The following PTPN3 variants were observed in gnomAD, a reference collection of about 807,000 sequenced individuals.
PTPN3 encodes the protein tyrosine-protein phosphatase non-receptor type 3.
PTPN3 carries 96 observed loss-of-function variants against 132.7 expected under a neutral mutation model. The ratio of observed to expected loss-of-function variants is 0.72; its 90% confidence interval spans 0.61 to 0.86. The LOEUF (loss-of-function observed/expected upper bound fraction) is 0.86, where lower values mean the gene tolerates loss of function less well. Ranked by LOEUF, PTPN3 falls within the 40% of genes least tolerant of loss-of-function variation. The pLI, the probability that PTPN3 is intolerant of heterozygous loss-of-function variation, is 0.00. For missense variants in PTPN3, 1,125 were observed against 1,159.6 expected (o/e 0.97, Z 0.43); for synonymous variants, 398 against 429.0 (o/e 0.93, Z 0.89).
chr9:109,464,041 T>TA, intron 1 of PTPN3, among the ~76,000 whole-genome samples: 1 of 152,300 alleles, frequency 6.6e-6, no homozygotes, highest in Admixed American at 6.5e-5. Flanking sequence ...TACTCAACCA[T>TA]ATTAGCTGTC....
chr9:109,469,226 T>C (rs987120026), intron 1 of PTPN3, among the ~76,000 whole-genome samples: 1 of 152,164 alleles, frequency 6.6e-6, no homozygotes, highest in Non-Finnish European at 1.5e-5. Flanking sequence ...TACATTCGGA[T>C]CTGGGAAACT....
the PTPN3 span, among the ~76,000 whole-genome samples, chr9:109,512,314 G>C: frequency 6.6e-6 from 1 of 152,286 alleles, no homozygotes; most frequent in South Asian, 2.1e-4. Flanking sequence ...GGGTGCAGCT[G>C]GTGCAGCTGG....
At chr9:109,461,534 T>A (rs1845843731) in intron 2 of PTPN3, among the ~76,000 whole-genome samples, 1 of 151,920 alleles carries the variant, frequency 6.6e-6, no homozygotes, top group South Asian at 2.1e-4. Context: ...AGTGGGAGGG[T>A]CGCCTGAGCT....
intron 1 of PTPN3, among the ~76,000 whole-genome samples, chr9:109,465,676 T>A (rs1351901831): frequency 2.9e-5 from 3 of 101,836 alleles, no homozygotes; most frequent in African/African-American, 1.2e-4. Context: ...GCCATTGCAC[T>A]CCCTGGGCAA....
chr9:109,423,431 C>T (rs2131852777), intron 12 of PTPN3, among the ~76,000 whole-genome samples: 1 of 152,314 alleles, frequency 6.6e-6, no homozygotes, highest in East Asian at 1.9e-4. Context: ...ATGGCAAAAC[C>T]CTACCTCTAC....
At position 109,454,486 on chromosome 9, in the gene PTPN3, A is replaced by T; in HGVS notation, c.368+10T>A. On this transcript the variant is annotated intron_variant, in intron 5 of 25. Transcript: ENST00000374541. Reference sequence around the variant, plus strand: ...ACACTAAACAGAAAACTTTAAAAAAATGTTGTTACCTGGTTTGTTCTTGCT... The same window carrying T: ...ACACTAAACAGAAAACTTTAAAAAATTGTTGTTACCTGGTTTGTTCTTGCT... 6.2e-7 allele frequency: 1 copy of T among 1,607,318 alleles called. No homozygotes were observed.
chr9:109,420,269 G>A (rs1202587922), intron 14 of PTPN3, among the ~76,000 whole-genome samples, 155 bp downstream of exon 14: 1 of 152,204 alleles, frequency 6.6e-6, no homozygotes, highest in African/African-American at 2.4e-5. Context: ...AAAAGGTAGA[G>A]TCTGATTTAT....
At chr9:109,387,833 A>G (rs1245562767) in intron 22 of PTPN3, among the ~76,000 whole-genome samples, 1 of 152,244 alleles carries the variant, frequency 6.6e-6, no homozygotes, top group African/African-American at 2.4e-5. Flanking sequence ...AGTGAGGGAG[A>G]ATAACTTATT....
intron 13 of PTPN3, among the ~76,000 whole-genome samples, chr9:109,422,266 T>C (rs1842933024): frequency 6.6e-6 from 1 of 152,234 alleles, no homozygotes; most frequent in African/African-American, 2.4e-5. Context: ...TACTTACTGA[T>C]GTGCATTTGC....
chr9:109,397,327 A>G (rs545739873), intron 19 of PTPN3, among the ~76,000 whole-genome samples: 1 of 152,258 alleles, frequency 6.6e-6, no homozygotes, highest in Non-Finnish European at 1.5e-5. Context: ...AAATTTGTAG[A>G]GTCAAGGAAT....
intron 19 of PTPN3, among the ~76,000 whole-genome samples, chr9:109,391,870 T>TGTGTG (rs1554777546): frequency 2.7e-4 from 8 of 29,454 alleles, no homozygotes; most frequent in African/African-American, 1.4e-3. Context: ...CAACTAGATG[T>TGTGTG]GGGGGGGGGG....
chr9:109,376,941 C>T lies in PTPN3; in HGVS notation c.*2615G>A, dbSNP rs1364723228. The T allele has an allele frequency of 2.0e-5, 3 of 152,236 alleles. No homozygotes were observed. Among genetic ancestry groups the T allele is most frequent in the African/African-American group, 7.2e-5 (3 of 41,452 alleles). The allele number at this position is 152,236 out of a possible 1,614,324, so 9.4% of individuals were successfully genotyped here. A position where few individuals can be genotyped will look rare whatever the true frequency, so the allele number is the denominator to read the frequency against. ...CTGCCCAGTGGCAGAAGACTGCTTG[C>T]AACCTTTGGTAGGCTTTTTAGAAAT... On this transcript the variant is annotated 3_prime_UTR_variant, in exon 26 of 26. Coordinates refer to ENST00000374541, the MANE Select transcript of PTPN3 (RefSeq NM_002829.4).
Position 109,468,602 on chromosome 9 carries a change from G to A in PTPN3, c.-17-5151C>T, listed in dbSNP as rs561807758. On this transcript the variant is annotated intron_variant, in intron 1 of 25. Transcript: ENST00000374541. ...AGGATGGTCTCGATCTCCTGACCTC[G>A]TGATCCGCCCACCTCGGCCTCCCAA... Among the ~76,000 whole-genome samples, 11 of 152,236 alleles carry A rather than the reference G, an allele frequency of 7.2e-5. No homozygotes were observed. In the East Asian group the frequency reaches 9.7e-4, roughly 13 times the overall value.
chr9:109,408,461 TCAA>T lies in PTPN3; in HGVS notation c.1579-87_1579-85del, dbSNP rs1043426721. ...ACAAAAAAACGAGTAGCTCACAGCATCAACAACATGGAGGTACCAATAAATGTG... is the reference window on the plus strand; with the variant it reads ...ACAAAAAAACGAGTAGCTCACAGCATCAACATGGAGGTACCAATAAATGTG... On this transcript the variant is annotated intron_variant, in intron 16 of 25. Coordinates refer to ENST00000374541, the MANE Select transcript of PTPN3 (RefSeq NM_002829.4). 9 of 1,005,126 alleles carry T rather than the reference TCAA, an allele frequency of 9.0e-6. No homozygotes were observed. The African/African-American group carries it at 1.1e-4, about 13-fold the overall frequency. 62.3% of individuals were successfully genotyped at this position (1,005,126 alleles called of 1,614,324 possible).
intron 12 of PTPN3, among the ~76,000 whole-genome samples, chr9:109,423,138 G>A (rs925430316): frequency 1.3e-5 from 2 of 152,202 alleles, no homozygotes; most frequent in African/African-American, 4.8e-5. Context: ...AGGAATTCCA[G>A]GATCACACAG....
rs1839106384 is a variant in PTPN3 at position 109,381,716 on chromosome 9, G to T, written c.2600C>A (p.Pro867His). ...TCGGACAATATCCAGTGGGTAAATG[G>T]GCAGGTTCCTCTCAGTTAGGCACAT... ...TAMCLTERNL[P>H]IYPLDIVRKM... Residue 867 changes from proline (P) to histidine (H), a missense_variant, in exon 25 of 26, where the codon CCC becomes CAC. Coordinates refer to ENST00000374541, the MANE Select transcript of PTPN3 (RefSeq NM_002829.4). 6.2e-7 allele frequency: 1 copy of T among 1,614,012 alleles called. No individual in the cohort carries two copies. Among genetic ancestry groups the T allele is most frequent in the African/African-American group, 1.3e-5 (1 of 74,946 alleles).
chr9:109,450,457 T>C, intron 5 of PTPN3: 2 of 982,772 alleles, frequency 2.0e-6, no homozygotes, highest in Non-Finnish European at 2.4e-6. Context: ...TCAGTATGTC[T>C]TCCTAGGGAT....
chr9:109,484,536 GA>G (rs772808465), intron 1 of PTPN3, among the ~76,000 whole-genome samples: 4 of 152,222 alleles, frequency 2.6e-5, no homozygotes, highest in Non-Finnish European at 4.4e-5. Context: ...CTAGGAGCTA[GA>G]ATTGAGGGGC....
upstream of PTPN3, among the ~76,000 whole-genome samples, chr9:109,500,164 C>G (rs1196659171): frequency 6.6e-6 from 1 of 152,336 alleles, no homozygotes; most frequent in African/African-American, 2.4e-5. Context: ...GGAACGTGAA[C>G]GTGTTTAGAC....
Sources: allele counts gnomAD v4.1 joint callset (sites outside exome capture counted in the v4.1 genomes callset), GRCh38; gene constraint gnomAD v4.1.1; transcripts MANE v1.5; gene names NCBI Gene and HGNC (gene_info 2026-07-23, HGNC 2026-07-21).